The following PTPN21 variants were observed in gnomAD, a reference collection of about 807,000 sequenced individuals.
PTPN21 encodes tyrosine-protein phosphatase non-receptor type 21.
In PTPN21, 77 loss-of-function variants were observed where a neutral mutation model predicts 131.8. That is an observed-to-expected ratio of 0.58 (90% CI 0.49 to 0.71). The LOEUF is 0.71. PTPN21 is among the 30% of genes least tolerant of loss of function. The probability of loss-of-function intolerance (pLI) is 0.00; values close to 1 mark genes in which losing one functional copy is unlikely to be tolerated. For missense variants in PTPN21, 1,552 were observed against 1,527.1 expected, an observed-to-expected ratio of 1.02 and a Z score of -0.27; for synonymous variants, 715 against 621.3, an observed-to-expected ratio of 1.15 and a Z score of -2.24.
chr14:88,517,790 A>G (rs1473617020), intron 2 of PTPN21, among the ~76,000 whole-genome samples: 3 of 146,042 alleles, frequency 2.1e-5, no homozygotes, highest in South Asian at 2.1e-4. Context: ...GTATATATAT[A>G]TGTGTACATG....
At chr14:88,547,709 T>G in intron 2 of PTPN21, 1 of 454,130 alleles carries the variant, frequency 2.2e-6, no homozygotes, top group East Asian at 7.0e-5. Context: ...GCTGTTCTGG[T>G]TTTCTTTCTT....
intron 14 of PTPN21, among the ~76,000 whole-genome samples, chr14:88,473,228 G>A (rs2077498508): frequency 6.6e-6 from 1 of 152,138 alleles, no homozygotes; most frequent in Admixed American, 6.5e-5. Context: ...ATCTGATTTT[G>A]ATGTAATAAA....
chr14:88,502,264 C>T (rs1478784545), intron 6 of PTPN21, among the ~76,000 whole-genome samples: 1 of 152,120 alleles, frequency 6.6e-6, no homozygotes, highest in Admixed American at 6.5e-5. Context: ...GAATATGTTC[C>T]CTAGCCCCTC....
chr14:88,523,941 C>T (rs1441871231), intron 2 of PTPN21, among the ~76,000 whole-genome samples: 1 of 152,038 alleles, frequency 6.6e-6, no homozygotes, highest in Admixed American at 6.6e-5. Flanking sequence ...AAGGCATATA[C>T]TGAACACAAC....
In PTPN21 at chr14:88,550,383, G is replaced by C; in HGVS notation, c.35C>G (p.Thr12Ser). ...CTTGCTGGACACCGTGTAGCGCCGG[G>C]TGCGTTTCAGTTTCAACCCAAATGG... The part of the protein sequence containing the change: ...PLPFGLKLKR[T>S]RRYTVSSKSC... The change falls in exon 2 of 19, where the codon ACC becomes AGC. Residue 12 changes from threonine (T) to serine (S), a missense_variant. Thr to Ser is a moderately conservative substitution (Grantham distance 58, BLOSUM62 1). This residue lies in a region of PTPN21 where 206 missense variants were observed against 221.6 expected (regional missense o/e 0.93). Transcript: ENST00000556564. 1 of 1,614,078 alleles carries C rather than the reference G, an allele frequency of 6.2e-7. No homozygotes were observed.
At chr14:88,504,557 T>C in intron 5 of PTPN21, 62 bp from the exon 6 acceptor site, 2 of 1,373,824 alleles carry the variant, frequency 1.5e-6, no homozygotes, top group Non-Finnish European at 2.1e-6. Context: ...GAAGGAATCA[T>C]GGCCATTGAC....
intron 12 of PTPN21, among the ~76,000 whole-genome samples, chr14:88,483,293 T>C (rs1226577093): frequency 2.0e-5 from 3 of 150,394 alleles, no homozygotes; most frequent in African/African-American, 7.4e-5. Context: ...ATGAACAATA[T>C]TAAGATGTTT....
Position 88,479,194 on chromosome 14 carries a change from C to CA in PTPN21, c.2236dup (p.Cys746LeufsTer108). ...GGGCCCGGCGAGCAGGACGCGAGGG[C>CA]AGCCAGGTGGGTCCTGGGCCAGGCC... is the stretch of plus-strand genomic sequence containing the variant. On this transcript the variant is annotated frameshift_variant, in exon 13 of 19. Transcript: ENST00000556564. LOFTEE classifies it high-confidence loss of function. 6.4e-7 allele frequency: 1 copy of CA among 1,572,640 alleles called. No homozygotes were observed. The highest frequency in any genetic ancestry group is 8.6e-7 in the Non-Finnish European group (1 of 1,161,944).
chr14:88,497,951 AT>A (rs2077948054), intron 8 of PTPN21, among the ~76,000 whole-genome samples: 2 of 152,094 alleles, frequency 1.3e-5, no homozygotes, highest in African/African-American at 4.8e-5. Context: ...TACAAAAAAA[AT>A]TAGCTGGGCA....
chr14:88,545,998 A>T (rs75609680), intron 2 of PTPN21, among the ~76,000 whole-genome samples: 1 of 148,506 alleles, frequency 6.7e-6, no homozygotes, highest in Non-Finnish European at 1.5e-5. Flanking sequence ...TCTCAAATAA[A>T]AAAAAAAAAA....
chr14:88,470,325 T>C, intron 15 of PTPN21: 1 of 421,428 alleles, frequency 2.4e-6, no homozygotes, highest in South Asian at 2.7e-5. Flanking sequence ...TTCTCATTTA[T>C]ACAATAAAGA....
chr14:88,489,860 C>T (rs2077796876), intron 10 of PTPN21, among the ~76,000 whole-genome samples: 2 of 152,004 alleles, frequency 1.3e-5, no homozygotes, highest in Admixed American at 6.5e-5. Flanking sequence ...ACTGTTCACC[C>T]CCCTACCAAA....
chr14:88,545,597 G>T (rs1007445378), intron 2 of PTPN21, among the ~76,000 whole-genome samples: 1 of 152,142 alleles, frequency 6.6e-6, no homozygotes, highest in Non-Finnish European at 1.5e-5. Flanking sequence ...AGAATGATAG[G>T]CAGGGAATTT....
chr14:88,516,971 T>C, intron 3 of PTPN21, 121 bp downstream of exon 3: 1 of 1,112,302 alleles, frequency 9.0e-7, no homozygotes, highest in Non-Finnish European at 1.3e-6. Flanking sequence ...TGTAACACCG[T>C]GGCTAAAAAT....
intron 11 of PTPN21, among the ~76,000 whole-genome samples, chr14:88,485,380 T>G (rs897886278): frequency 6.6e-6 from 1 of 152,164 alleles, no homozygotes; most frequent in Non-Finnish European, 1.5e-5. Flanking sequence ...CCAAGGACAT[T>G]AGGCTCCACC....
intron 3 of PTPN21, among the ~76,000 whole-genome samples, chr14:88,512,092 CCTT>C (rs1386442577): frequency 1.3e-5 from 2 of 152,104 alleles, no homozygotes; most frequent in African/African-American, 4.8e-5. Context: ...CACCCCATCT[CCTT>C]ATCATGGTGC....
rs374369658 is a variant in PTPN21 at position 88,505,256 on chromosome 14, G to C, written c.516+48C>G. ...CATTTCAGGGATTATTAAGGGTATA[G>C]GAATAAACTGTTTCTTTTAAAAGGC... is the stretch of plus-strand genomic sequence containing the variant. On this transcript the variant is annotated intron_variant, in intron 5 of 18. Coordinates refer to ENST00000556564, the MANE Select transcript of PTPN21 (RefSeq NM_007039.4). 2.2e-6 allele frequency: 3 copies of C among 1,375,858 alleles called. No individual in the cohort carries two copies. The African/African-American group carries it at 4.3e-5, about 20-fold the overall frequency. The allele number at this position is 1,375,858 out of a possible 1,614,324, so 85.2% of individuals were successfully genotyped here. A position where few individuals can be genotyped will look rare whatever the true frequency, so the allele number is the denominator to read the frequency against.
chr14:88,545,995 TAAAAA>T, intron 2 of PTPN21, among the ~76,000 whole-genome samples: 1 of 77,874 alleles, frequency 1.3e-5, no homozygotes, highest in South Asian at 4.7e-4. Flanking sequence ...CTGTCTCAAA[TAAAAA>T]AAAAAAAAAA....
At chr14:88,468,665 T>G (rs1311581368) in intron 18 of PTPN21, among the ~76,000 whole-genome samples, 1 of 152,132 alleles carries the variant, frequency 6.6e-6, no homozygotes, top group Non-Finnish European at 1.5e-5. Flanking sequence ...GAGCTCAAAT[T>G]TGAAAAACCC....
Sources: gnomAD v4.1 joint callset for allele counts (sites outside exome capture counted in the v4.1 genomes callset) on GRCh38, gnomAD v4.1.1 for gene constraint, gnomAD v4.1.1 regional missense constraint, MANE v1.5 for transcripts, NCBI Gene and HGNC (gene_info 2026-07-23, HGNC 2026-07-21) for gene names.